SYT16: variants seen among roughly 807,000 people sequenced by gnomAD.
SYT16 encodes the protein synaptotagmin 16, also known as synaptotagmin-16.
A neutral mutation model predicts 61.4 loss-of-function variants in SYT16; 42 were observed. The observed-to-expected ratio is 0.68, with a 90% CI of 0.53 to 0.89. The LOEUF (loss-of-function observed/expected upper bound fraction) is 0.89, where lower values mean the gene tolerates loss of function less well. Ranked by LOEUF, SYT16 falls within the 40% of genes least tolerant of loss-of-function variation. The pLI, the probability that SYT16 is intolerant of heterozygous loss-of-function variation, is 0.00. For missense variants in SYT16, 804 were observed against 807.3 expected (o/e 1.00, Z 0.05); for synonymous variants, 314 against 302.3 (o/e 1.04, Z -0.40).
intron 2 of SYT16, among the ~76,000 whole-genome samples, chr14:61,987,743 CCTT>C (rs1566740747): frequency 5.0e-4 from 8 of 15,968 alleles, no homozygotes; most frequent in Admixed American, 8.3e-4. Context: ...TGATTTTTTT[CCTT>C]TTTTTTTTTT....
In SYT16 at chr14:62,106,902, C is replaced by T. The variant is rs1392977194; in HGVS notation, c.*6195C>T. On this transcript the variant is annotated 3_prime_UTR_variant, in exon 8 of 8. Coordinates refer to ENST00000683842, the MANE Select transcript of SYT16 (RefSeq NM_001367656.1). Reference sequence around the variant, plus strand: ...TCTGAGGCCTTTCTTGGAATGAAGCCGCTAACTTGCTAACTGCTTTCCATT... The same window carrying T: ...TCTGAGGCCTTTCTTGGAATGAAGCTGCTAACTTGCTAACTGCTTTCCATT... The T allele has an allele frequency of 2.6e-5, 4 of 152,054 alleles. No homozygotes were observed. The highest frequency in any genetic ancestry group is 9.7e-5 in the African/African-American group (4 of 41,400). 9.4% of individuals were successfully genotyped at this position (152,054 alleles called of 1,614,324 possible).
intron 3 of SYT16, among the ~76,000 whole-genome samples, chr14:62,030,372 C>G (rs1206618310): frequency 6.6e-6 from 1 of 152,098 alleles, no homozygotes; most frequent in Non-Finnish European, 1.5e-5. Flanking sequence ...GAAAATGCAA[C>G]CATTGTGATG....
intron 1 of SYT16, among the ~76,000 whole-genome samples, chr14:61,903,819 C>T (rs948904527): frequency 1.3e-5 from 2 of 152,140 alleles, no homozygotes; most frequent in African/African-American, 4.8e-5. Flanking sequence ...AAACATGATT[C>T]TTGCTAGCTG....
intron 1 of SYT16, among the ~76,000 whole-genome samples, chr14:61,898,567 T>C (rs2048405826): frequency 6.6e-6 from 1 of 152,108 alleles, no homozygotes; most frequent in African/African-American, 2.4e-5. Flanking sequence ...AGCACTGAGG[T>C]GTGTCTAGGC....
At chr14:61,814,239 A>G (rs912858254) in intron 1 of SYT16, among the ~76,000 whole-genome samples, 4 of 152,088 alleles carry the variant, frequency 2.6e-5, no homozygotes, top group African/African-American at 9.7e-5. Flanking sequence ...CCCTTTCCTC[A>G]GCTCTGTTCA....
rs889535595 is a variant in SYT16, at chr14:62,102,278, A to C, written c.*1571A>C. Reference sequence around the variant, plus strand: ...CTTACAGTGTGTAATGGTTATCCTGACAAGACCAGACTAGGGCACAGGATA... The same window carrying C: ...CTTACAGTGTGTAATGGTTATCCTGCCAAGACCAGACTAGGGCACAGGATA... On this transcript the variant is annotated 3_prime_UTR_variant, in exon 8 of 8. Coordinates refer to ENST00000683842, the MANE Select transcript of SYT16 (RefSeq NM_001367656.1). The C allele has an allele frequency of 9.9e-5, 15 of 152,214 alleles. No individual in the cohort carries two copies. The highest frequency in any genetic ancestry group is 3.6e-4 in the African/African-American group (15 of 41,454). 9.4% of individuals were successfully genotyped at this position (152,214 alleles called of 1,614,324 possible).
At chr14:62,050,035 G>A (rs1227597026) in intron 3 of SYT16, among the ~76,000 whole-genome samples, 1 of 152,168 alleles carries the variant, frequency 6.6e-6, no homozygotes, top group Non-Finnish European at 1.5e-5. Flanking sequence ...CTAGATTTGG[G>A]AAGTTCTCCT....
At position 62,087,481 on chromosome 14, in the gene SYT16, C is replaced by T. The variant is rs1287755410; in HGVS notation, c.1624+3096C>T. 5.9e-5 allele frequency among the ~76,000 whole-genome samples: 9 copies of T among 152,192 alleles called. No individual in the cohort carries two copies. In the East Asian group the frequency reaches 7.7e-4, roughly 13 times the overall value. ...CTTCCGTGACCTCAATCATGCCCGA[C>T]GGGGCGGTCATGATCACATAAAGAA... On this transcript the variant is annotated intron_variant, in intron 7 of 7. Coordinates refer to ENST00000683842, the MANE Select transcript of SYT16 (RefSeq NM_001367656.1).
chr14:62,039,656 T>C (rs2054638795), intron 3 of SYT16, among the ~76,000 whole-genome samples: 1 of 152,182 alleles, frequency 6.6e-6, no homozygotes, highest in Admixed American at 6.5e-5. Context: ...ATTGCAGGAA[T>C]TCAGCAGACA....
At chr14:61,853,521 C>A (rs933443626) in intron 1 of SYT16, among the ~76,000 whole-genome samples, 2 of 152,118 alleles carry the variant, frequency 1.3e-5, no homozygotes, top group African/African-American at 4.8e-5. Context: ...TAAAATAGGG[C>A]TAAGGCCTTC....
intron 1 of SYT16, among the ~76,000 whole-genome samples, chr14:61,929,053 C>A (rs2049653918): frequency 6.6e-6 from 1 of 152,184 alleles, no homozygotes; most frequent in East Asian, 1.9e-4. Flanking sequence ...GGTGGTTCAC[C>A]TCTTCAGCAC....
chr14:61,973,251 T>A (rs2051638612), intron 2 of SYT16, among the ~76,000 whole-genome samples: 1 of 152,182 alleles, frequency 6.6e-6, no homozygotes, highest in Non-Finnish European at 1.5e-5. Flanking sequence ...TTAAAGAATT[T>A]ACACATGCCA....
chr14:62,051,192 C>G (rs1434807790), intron 3 of SYT16, among the ~76,000 whole-genome samples: 1 of 152,366 alleles, frequency 6.6e-6, no homozygotes, highest in East Asian at 1.9e-4. Context: ...CCCCCAGCCT[C>G]ACTGCTGCCT....
chr14:62,091,010 C>T (rs953264468), intron 7 of SYT16, among the ~76,000 whole-genome samples: 4 of 152,154 alleles, frequency 2.6e-5, no homozygotes, highest in Non-Finnish European at 5.9e-5. Flanking sequence ...CCCACCGGGT[C>T]CCTCCCACAA....
At chr14:61,962,420 T>A (rs1250916037) in intron 1 of SYT16, among the ~76,000 whole-genome samples, 1 of 152,284 alleles carries the variant, frequency 6.6e-6, no homozygotes, top group East Asian at 1.9e-4. Flanking sequence ...GACATGTGGC[T>A]TTTCTCTTGA....
At chr14:61,876,339 A>G (rs1375628246) in intron 1 of SYT16, among the ~76,000 whole-genome samples, 1 of 152,220 alleles carries the variant, frequency 6.6e-6, no homozygotes, top group African/African-American at 2.4e-5. Flanking sequence ...TGTGCAGTTC[A>G]TTGCATTTGC....
At chr14:61,922,429 GAACAGAAAACCAAATACT>G (rs1297261685) in intron 1 of SYT16, among the ~76,000 whole-genome samples, 1 of 152,160 alleles carries the variant, frequency 6.6e-6, no homozygotes, top group African/African-American at 2.4e-5. Context: ...ATTAACTCAG[GAACAGAAAACCAAATACT>G]GCATCTTCTC....
intron 1 of SYT16, among the ~76,000 whole-genome samples, chr14:61,924,327 G>T (rs1292928741): frequency 1.3e-5 from 2 of 152,114 alleles, no homozygotes. Context: ...ATAATCCCTG[G>T]GTGTCAGCAC....
In SYT16 at chr14:62,075,223, T is replaced by C. The variant is rs755435775; in HGVS notation, c.825T>C (p.Cys275=). 1 of 1,613,658 alleles carries C rather than the reference T, an allele frequency of 6.2e-7. No homozygotes were observed. Among genetic ancestry groups the C allele is most frequent in the Non-Finnish European group, 8.5e-7 (1 of 1,179,732 alleles). Residue 275 remains cysteine, a synonymous_variant, in exon 5 of 8, where the codon TGT becomes TGC. Coordinates refer to ENST00000683842, the MANE Select transcript of SYT16 (RefSeq NM_001367656.1). The part of the protein sequence containing the change: ...DHIPAHSQSP[C]ERGDAKHHGT... The stretch of plus-strand genomic sequence containing the variant: ...TCCCTGCTCACTCACAGTCCCCATG[T>C]GAAAGAGGGGATGCCAAACACCACG...
Sources: gnomAD v4.1 joint callset for allele counts (sites outside exome capture counted in the v4.1 genomes callset) on GRCh38, gnomAD v4.1.1 for gene constraint, MANE v1.5 for transcripts, NCBI Gene and HGNC (gene_info 2026-07-23, HGNC 2026-07-21) for gene names.